The following MAP3K15 variants were observed in gnomAD, a reference collection of about 807,000 sequenced individuals.
MAP3K15 encodes MAPK/ERK kinase kinase 15.
A neutral mutation model predicts 99.5 loss-of-function variants in MAP3K15; 124 were observed. That is an observed-to-expected ratio of 1.25 (90% CI 1.08 to 1.45). MAP3K15 has a LOEUF of 1.45. Ranked by LOEUF, MAP3K15 falls within the 40% of genes most tolerant of loss-of-function variation. The pLI, the probability that MAP3K15 is intolerant of heterozygous loss-of-function variation, is 0.00. For synonymous variants in MAP3K15, 494 were observed against 439.6 expected (o/e 1.12, Z -1.55); for missense variants, 1,242 against 1,079.7 (o/e 1.15, Z -2.11).
intron 3 of MAP3K15, among the ~76,000 whole-genome samples, chrX:19,473,069 A>C (rs2064218421): frequency 8.9e-6 from 1 of 112,316 alleles, no homozygotes. Flanking sequence ...GTTTAGCCAT[A>C]GTTAGAGAAA....
chrX:19,376,117 G>A lies in MAP3K15; in HGVS notation c.2590-1457C>T, dbSNP rs1219624540. Reference sequence around the variant, plus strand: ...ACCCGGCTGGGATGTCCTCTTTAAGGGTGCTTTGCCGTGACCCAAAAGCTC... The same window carrying A: ...ACCCGGCTGGGATGTCCTCTTTAAGAGTGCTTTGCCGTGACCCAAAAGCTC... On this transcript the variant is annotated intron_variant, in intron 19 of 28. Coordinates refer to ENST00000338883, the MANE Select transcript of MAP3K15 (RefSeq NM_001001671.4). Among the ~76,000 whole-genome samples the A allele has an allele frequency of 2.7e-5, 3 of 111,633 alleles. No homozygotes were observed. In the East Asian group the frequency reaches 8.5e-4, roughly 32 times the overall value.
chrX:19,515,317 G>C lies in MAP3K15; in HGVS notation c.-56C>G. The C allele has an allele frequency of 1.3e-6, 1 of 767,279 alleles. No homozygotes were observed. The highest frequency in any genetic ancestry group is 1.6e-6 in the Non-Finnish European group (1 of 629,692). The allele number at this position is 767,279 out of a possible 1,213,427, so 63.2% of individuals were successfully genotyped here. ...AGTGGCCAGCGGCTGCGATCCGCTA[G>C]GAGGCACAAGTTACAGCAGCCGCGC... On this transcript the variant is annotated 5_prime_UTR_variant, in exon 1 of 29. Transcript: ENST00000338883.
chrX:19,488,447 T>G (rs1361308526), intron 2 of MAP3K15, among the ~76,000 whole-genome samples: 1 of 111,985 alleles, frequency 8.9e-6, no homozygotes, highest in African/African-American at 3.2e-5. Flanking sequence ...TGAGAACTGA[T>G]TTTTATGTGT....
At chrX:19,363,585 G>C (rs1455077337) in intron 25 of MAP3K15, among the ~76,000 whole-genome samples, 1 of 111,398 alleles carries the variant, frequency 9.0e-6, no homozygotes, top group Non-Finnish European at 1.9e-5. Context: ...GAATAGAATG[G>C]TAAGTTTCTT....
intron 19 of MAP3K15, 119 bp downstream of exon 19, chrX:19,380,001 T>A (rs1255281042): frequency 1.3e-6 from 1 of 791,628 alleles, no homozygotes; most frequent in Non-Finnish European, 1.7e-6. Flanking sequence ...GCTTATCCAA[T>A]AATAAAACTG....
chrX:19,499,399 C>T lies in MAP3K15; in HGVS notation c.362-10432G>A, dbSNP rs373961113. Among the ~76,000 whole-genome samples the T allele has an allele frequency of 9.8e-5, 11 of 112,100 alleles. No homozygotes were observed. The East Asian group carries it at 2.5e-3, about 26-fold the overall frequency. On this transcript the variant is annotated intron_variant, in intron 1 of 28. Coordinates refer to ENST00000338883, the MANE Select transcript of MAP3K15 (RefSeq NM_001001671.4). ...TGATATACTTCAACACACACTTAAC[C>T]CTTTGATCCAGCCATTCTACTCATA... is the stretch of plus-strand genomic sequence containing the variant.
intron 11 of MAP3K15, among the ~76,000 whole-genome samples, chrX:19,412,999 A>G (rs907108045): frequency 9.1e-6 from 1 of 110,088 alleles, no homozygotes; most frequent in Non-Finnish European, 1.9e-5. Flanking sequence ...CTTGGCCTCC[A>G]AAAGTGTTGG....
chrX:19,459,752 A>C (rs984825711), intron 5 of MAP3K15, among the ~76,000 whole-genome samples: 2 of 112,310 alleles, frequency 1.8e-5, no homozygotes, highest in Non-Finnish European at 3.8e-5. Context: ...CAGGAGGCTG[A>C]GGCAGGAGAA....
chrX:19,413,520 T>A, intron 10 of MAP3K15, 56 bp from the exon 11 acceptor site: 1 of 939,015 alleles, frequency 1.1e-6, no homozygotes, highest in Non-Finnish European at 1.5e-6. Context: ...TAGCGCACCC[T>A]GCCCAGCGAG....
rs1235750422 is a variant in MAP3K15, at chrX:19,372,817, C to T, written c.2944G>A (p.Glu982Lys). The T allele has an allele frequency of 3.3e-6, 4 of 1,205,938 alleles. No homozygotes were observed. The highest frequency in any genetic ancestry group is 3.0e-5 in the East Asian group (1 of 33,661). Residue 982 changes from glutamate to lysine, a missense_variant, in exon 22 of 29, where the codon GAG becomes AAG. Coordinates refer to ENST00000338883, the MANE Select transcript of MAP3K15 (RefSeq NM_001001671.4). ...HLGHLLSVPD[E>K]SSALEDRGLA... ...CCCCGGTCTTCCAAGGCTGAGCTCT[C>T]GTCTGGAACACTGTGGACAAACACG...
At chrX:19,437,266 T>G (rs1361379057) in intron 6 of MAP3K15, among the ~76,000 whole-genome samples, 1 of 111,788 alleles carries the variant, frequency 8.9e-6, no homozygotes, top group African/African-American at 3.2e-5. Context: ...ACAGAAGTCA[T>G]AGTGATCCTC....
At position 19,460,107 on chromosome X, in the gene MAP3K15, C is replaced by A; in HGVS notation, c.766G>T (p.Glu256Ter). The A allele has an allele frequency of 8.4e-7, 1 of 1,195,658 alleles. No homozygotes were observed. The highest frequency in any genetic ancestry group is 1.1e-6 in the Non-Finnish European group (1 of 893,352). ...GCCAGTTCCTCACCTTGGTATTTCTCTCTGGCTTTCCGGATGTCATTTAAC... is the reference window on the plus strand; with the variant it reads ...GCCAGTTCCTCACCTTGGTATTTCTATCTGGCTTTCCGGATGTCATTTAAC... ...TLLNDIRKAR[E>*]KYQGEELAKE... The change falls in exon 5 of 29, where the codon GAG becomes TAG. Residue 256 changes from glutamate to a stop codon, truncating the protein, a stop_gained. Coordinates refer to ENST00000338883, the MANE Select transcript of MAP3K15 (RefSeq NM_001001671.4). LOFTEE classifies it high-confidence loss of function.
chrX:19,399,724 G>A (rs1324797733), intron 14 of MAP3K15, among the ~76,000 whole-genome samples: 4 of 86,028 alleles, frequency 4.6e-5, no homozygotes, highest in Non-Finnish European at 6.6e-5. Flanking sequence ...CAGCAACAGC[G>A]TGAGACTCTG....
rs376497408 is a variant in MAP3K15 at position 19,415,194 on chromosome X, T to G, written c.1503A>C (p.Glu501Asp). 149 of 1,178,952 alleles carry G rather than the reference T, an allele frequency of 1.3e-4. No individual in the cohort carries two copies. The highest frequency in any genetic ancestry group is 2.0e-5 in the Non-Finnish European group (18 of 884,598). ...LIRRFKKTII[E>D]HSPRQERLNF... ...TCAGCCGCTCTTGCCTGGGCGAGTG[T>G]TCAATAATGGTTTTCTTGAAGCGCC... Residue 501 changes from glutamate to aspartate, a missense_variant, in exon 10 of 29, where the codon GAA (glutamate) becomes GAC (aspartate). Coordinates refer to ENST00000338883, the MANE Select transcript of MAP3K15 (RefSeq NM_001001671.4).
Position 19,386,487 on chromosome X carries a change from T to C in MAP3K15, c.2431+5515A>G, listed in dbSNP as rs141906781. On this transcript the variant is annotated intron_variant, in intron 18 of 28. Transcript: ENST00000338883. ...ACAAACAAACAAACAAAAATCTGGC[T>C]CTCTTGGGGCCCCATATGCTCCCTA... Among the ~76,000 whole-genome samples the C allele has an allele frequency of 2.9e-3, 318 of 110,400 alleles. 1 individual carries two copies. The highest frequency in any genetic ancestry group is 9.1e-3 in the African/African-American group (277 of 30,296).
chrX:19,512,452 G>A (rs747873449), intron 1 of MAP3K15, among the ~76,000 whole-genome samples: 14 of 111,469 alleles, frequency 1.3e-4, no homozygotes, highest in Non-Finnish European at 2.4e-4. Context: ...CCACCTGGGA[G>A]TTACTTGTGC....
intron 4 of MAP3K15, among the ~76,000 whole-genome samples, chrX:19,460,366 C>A (rs928257618): frequency 4.5e-5 from 5 of 111,831 alleles, no homozygotes; most frequent in Admixed American, 1.9e-4. Context: ...GTTCATTCAA[C>A]CTTGAAGATA....
intron 9 of MAP3K15, among the ~76,000 whole-genome samples, chrX:19,424,725 A>T (rs943807662): frequency 1.8e-5 from 2 of 110,721 alleles, no homozygotes; most frequent in African/African-American, 6.6e-5. Flanking sequence ...AGCTCGCTGC[A>T]GCCTTGACCT....
intron 17 of MAP3K15, 25 bp from the exon 18 acceptor site, chrX:19,392,132 G>A (rs1451641054): frequency 8.7e-7 from 1 of 1,143,894 alleles, no homozygotes; most frequent in African/African-American, 1.8e-5. Flanking sequence ...ATCATCAAGT[G>A]CTTAAAAGAC....
Sources: allele counts gnomAD v4.1 joint callset (sites outside exome capture counted in the v4.1 genomes callset), GRCh38; gene constraint gnomAD v4.1.1; transcripts MANE v1.5; gene names NCBI Gene and HGNC (gene_info 2026-07-23, HGNC 2026-07-21).